The following PCYT1B variants were observed in gnomAD, a reference collection of about 807,000 sequenced individuals.
PCYT1B encodes the protein phosphate cytidylyltransferase 1B, choline, also known as choline-phosphate cytidylyltransferase B.
A neutral mutation model predicts 26.4 loss-of-function variants in PCYT1B; 10 were observed. That is an observed-to-expected ratio of 0.38 (90% CI 0.23 to 0.64). The LOEUF is 0.64. Ranked by LOEUF, PCYT1B falls within the 30% of genes least tolerant of loss-of-function variation. The pLI is 0.56. For missense variants in PCYT1B, 161 were observed against 292.7 expected, an observed-to-expected ratio of 0.55 and a Z score of 3.28; for synonymous variants, 131 against 108.4, an observed-to-expected ratio of 1.21 and a Z score of -1.29.
intron 1 of PCYT1B, among the ~76,000 whole-genome samples, chrX:24,640,772 G>C (rs754220182): frequency 9.0e-6 from 1 of 110,745 alleles, no homozygotes; most frequent in South Asian, 3.8e-4. Context: ...CTCCAGCTCA[G>C]AACTCTCTCC....
chrX:24,566,265 C>A (rs1923626558), intron 7 of PCYT1B, among the ~76,000 whole-genome samples: 1 of 112,004 alleles, frequency 8.9e-6, no homozygotes. Context: ...GTATAACACA[C>A]AACACTGCAA....
At chrX:24,670,113 A>AAAGGAAGAAAGGAAGGAAGGAAGG (rs1927223261) in intron 1 of PCYT1B, among the ~76,000 whole-genome samples, 2 of 23,592 alleles carry the variant, frequency 8.5e-5, no homozygotes, top group South Asian at 3.1e-3. Context: ...AGAAAGAAAG[A>AAAGGAAGAAAGGAAGGAAGGAAGG]AAGGAAGGAA....
At chrX:24,575,916 G>T (rs1161701291) in intron 6 of PCYT1B, among the ~76,000 whole-genome samples, 1 of 112,360 alleles carries the variant, frequency 8.9e-6, no homozygotes, top group African/African-American at 3.2e-5. Context: ...TCTAGACTCA[G>T]ATTTTGTTCT....
intron 5 of PCYT1B, among the ~76,000 whole-genome samples, chrX:24,585,924 T>C (rs1924358095): frequency 9.0e-6 from 1 of 110,966 alleles, no homozygotes; most frequent in Non-Finnish European, 1.9e-5. Context: ...TTTGGTTCCA[T>C]GTAACTTCAT....
At chrX:24,614,728 A>T (rs1925430835) in intron 2 of PCYT1B, among the ~76,000 whole-genome samples, 1 of 111,943 alleles carries the variant, frequency 8.9e-6, no homozygotes, top group Non-Finnish European at 1.9e-5. Flanking sequence ...CCCTTCTTGA[A>T]ACTCTTGAAC....
chrX:24,619,877 T>G (rs925801383), intron 1 of PCYT1B, among the ~76,000 whole-genome samples: 1 of 111,566 alleles, frequency 9.0e-6, no homozygotes, highest in Non-Finnish European at 1.9e-5. Flanking sequence ...GGCCCTGCAT[T>G]TTTTAGTCAG....
chrX:24,565,083 C>A (rs1291701712), intron 7 of PCYT1B, among the ~76,000 whole-genome samples: 2 of 110,078 alleles, frequency 1.8e-5, no homozygotes, highest in Non-Finnish European at 3.8e-5. Flanking sequence ...CAGAATTGAG[C>A]CCTTCCCTGA....
intron 1 of PCYT1B, among the ~76,000 whole-genome samples, chrX:24,656,232 G>A (rs868779598): frequency 3.0e-5 from 3 of 100,593 alleles, no homozygotes; most frequent in East Asian, 3.1e-4. Context: ...GGGGTCGCGG[G>A]GGGGGGTGGT....
At chrX:24,635,048 A>G (rs1299349786) in intron 1 of PCYT1B, among the ~76,000 whole-genome samples, 1 of 112,205 alleles carries the variant, frequency 8.9e-6, no homozygotes, top group East Asian at 2.8e-4. Context: ...TGTAATTAAC[A>G]TATTTTAAAA....
rs1925682030 is a variant in PCYT1B at position 24,620,895 on chromosome X, G to T, written c.118-1811C>A. The stretch of plus-strand genomic sequence containing the variant: ...TTCCTTCCACTGCATTAAAGCCGCT[G>T]CTTGCTTTCCACTGCCCCACAGCTT... On this transcript the variant is annotated intron_variant, in intron 1 of 7. Coordinates refer to ENST00000379144, the MANE Select transcript of PCYT1B (RefSeq NM_004845.5). 2.7e-5 allele frequency among the ~76,000 whole-genome samples: 3 copies of T among 111,755 alleles called. No homozygotes were observed. In the South Asian group the frequency reaches 1.1e-3, roughly 42 times the overall value.
At position 24,646,975 on chromosome X, in the gene PCYT1B, T is replaced by C. The variant is rs1569256854; in HGVS notation, c.117+14A>G. ...ATAGCCACGCATACATTTCCATCCT[T>C]TGTCTTTACTTACCAGTCGAGGCTG... On this transcript the variant is annotated intron_variant, in intron 1 of 7. Transcript: ENST00000379144. The C allele has an allele frequency of 2.5e-6, 3 of 1,184,359 alleles. No individual in the cohort carries two copies. Among genetic ancestry groups the C allele is most frequent in the Non-Finnish European group, 3.4e-6 (3 of 871,016 alleles).
intron 1 of PCYT1B, among the ~76,000 whole-genome samples, chrX:24,638,993 ACAG>A (rs1706917136): frequency 8.8e-6 from 1 of 113,078 alleles, no homozygotes; most frequent in African/African-American, 3.2e-5. Flanking sequence ...AAAACAGAAG[ACAG>A]CAGAAGTGGT....
At chrX:24,588,004 G>A (rs991350146) in intron 4 of PCYT1B, among the ~76,000 whole-genome samples, 6 of 112,460 alleles carry the variant, frequency 5.3e-5, no homozygotes, top group Non-Finnish European at 1.1e-4. Context: ...ATCTTGTCCT[G>A]TCCTGTCCTG....
At chrX:24,633,724 T>C (rs867604584) in intron 1 of PCYT1B, among the ~76,000 whole-genome samples, 20 of 111,492 alleles carry the variant, frequency 1.8e-4, no homozygotes, top group Middle Eastern at 4.6e-3. Flanking sequence ...GATGTTGTTG[T>C]GGCCAGAAAT....
At chrX:24,665,770 A>C (rs1406675630) in intron 1 of PCYT1B, among the ~76,000 whole-genome samples, 1 of 111,381 alleles carries the variant, frequency 9.0e-6, no homozygotes, top group Non-Finnish European at 1.9e-5. Context: ...GACTTAAGAA[A>C]GTCCTTCATT....
chrX:24,670,552 G>A (rs943928980), intron 1 of PCYT1B, among the ~76,000 whole-genome samples: 6 of 111,737 alleles, frequency 5.4e-5, no homozygotes, highest in African/African-American at 9.8e-5. Context: ...ACTGAGAACC[G>A]AAAAGCATGA....
chrX:24,571,347 G>C (rs1242313065), intron 7 of PCYT1B, among the ~76,000 whole-genome samples: 3 of 111,523 alleles, frequency 2.7e-5, no homozygotes, highest in Admixed American at 9.5e-5. Flanking sequence ...TGGGGTGACA[G>C]AGTGAGTGAG....
At chrX:24,565,621 G>C (rs993174400) in intron 7 of PCYT1B, among the ~76,000 whole-genome samples, 1 of 110,905 alleles carries the variant, frequency 9.0e-6, no homozygotes, top group African/African-American at 3.3e-5. Context: ...CAAGGAGACT[G>C]GATTTCCTAC....
At chrX:24,639,095 C>A (rs1454122031) in intron 1 of PCYT1B, among the ~76,000 whole-genome samples, 1 of 112,302 alleles carries the variant, frequency 8.9e-6, no homozygotes, top group Non-Finnish European at 1.9e-5. Context: ...GATCATGCAA[C>A]CTGTTTTTAC....
Sources: allele counts gnomAD v4.1 joint callset (sites outside exome capture counted in the v4.1 genomes callset), GRCh38; gene constraint gnomAD v4.1.1; transcripts MANE v1.5; gene names NCBI Gene and HGNC (gene_info 2026-07-23, HGNC 2026-07-21).